UMAD1: variants seen among roughly 807,000 people sequenced by gnomAD.
UMAD1 encodes UBAP1-MVB12-associated (UMA)-domain containing protein 1.
UMAD1 carries 8 observed loss-of-function variants against 6.1 expected under a neutral mutation model. The ratio of observed to expected loss-of-function variants is 1.30; its 90% CI spans 0.76 to 2.35. UMAD1 has a LOEUF of 2.35. UMAD1 is among the 30% of genes most tolerant of loss of function. The pLI is 0.00. For synonymous variants in UMAD1, 56 were observed against 31.4 expected (o/e 1.78, Z -2.61); for missense variants, 130 against 78.4 (o/e 1.66, Z -2.49).
chr7:7,661,477 C>G (rs1279083386), intron 1 of UMAD1, among the ~76,000 whole-genome samples: 1 of 152,128 alleles, frequency 6.6e-6, no homozygotes, highest in African/African-American at 2.4e-5. Context: ...TGCTGGTGAC[C>G]TTTCAGTGGG....
chr7:7,823,064 GATGTTTT>G (rs530610130), intron 3 of UMAD1, among the ~76,000 whole-genome samples: 77 of 152,164 alleles, frequency 5.1e-4, no homozygotes, highest in African/African-American at 1.8e-3. Flanking sequence ...CTCCTCCCTT[GATGTTTT>G]ATACAGAGCA....
intron 2 of UMAD1, among the ~76,000 whole-genome samples, chr7:7,698,525 G>A (rs1284683837): frequency 2.0e-5 from 3 of 152,068 alleles, no homozygotes. Flanking sequence ...ATCATTGCAG[G>A]CTTTATTCTG....
intron 2 of UMAD1, among the ~76,000 whole-genome samples, chr7:7,683,679 G>A (rs370710815): frequency 5.4e-4 from 82 of 151,730 alleles, no homozygotes; most frequent in African/African-American, 1.9e-3. Context: ...CTGGAGTGCA[G>A]TGGCATGGTC....
chr7:7,850,454 C>T (rs1316497695), intron 3 of UMAD1, among the ~76,000 whole-genome samples: 1 of 151,980 alleles, frequency 6.6e-6, no homozygotes, highest in Non-Finnish European at 1.5e-5. Context: ...CATCTACTTC[C>T]CCCCAAAGAA....
Position 7,875,237 on chromosome 7 carries a change from A to G in UMAD1, c.157-2044A>G, listed in dbSNP as rs138517777. Among the ~76,000 whole-genome samples, 56 of 152,384 alleles carry G rather than the reference A, an allele frequency of 3.7e-4. No individual in the cohort carries two copies. The East Asian group carries it at 7.5e-3, about 20-fold the overall frequency. On this transcript the variant is annotated intron_variant, in intron 3 of 3. Coordinates refer to ENST00000682710, the MANE Select transcript of UMAD1 (RefSeq NM_001302348.2). The stretch of plus-strand genomic sequence containing the variant: ...GCACTAAATGCCCACGGGAGAAAGC[A>G]GGAAAGATCTAAAATCGACATCTAA...
intron 3 of UMAD1, among the ~76,000 whole-genome samples, chr7:7,849,292 T>C (rs1160323313): frequency 6.6e-6 from 1 of 152,178 alleles, no homozygotes; most frequent in East Asian, 1.9e-4. Context: ...GCTTTTCTTG[T>C]GTTTGAGAAT....
chr7:7,642,559 G>A (rs991158559), intron 1 of UMAD1, among the ~76,000 whole-genome samples: 3 of 151,974 alleles, frequency 2.0e-5, no homozygotes, highest in African/African-American at 7.3e-5. Context: ...TTAAGCAAAG[G>A]CTTTCTTTTA....
At chr7:7,736,766 TG>T (rs1781368298) in intron 2 of UMAD1, 2 of 152,278 alleles carry the variant, frequency 1.3e-5, no homozygotes, top group African/African-American at 4.8e-5. Flanking sequence ...CATTGGTCCA[TG>T]TTGAGATGGG....
At chr7:7,854,153 T>A (rs935798310) in intron 3 of UMAD1, among the ~76,000 whole-genome samples, 2 of 151,854 alleles carry the variant, frequency 1.3e-5, no homozygotes, top group African/African-American at 4.8e-5. Context: ...GCTGGAAGTT[T>A]GAGATCAGCC....
Position 7,673,268 on chromosome 7 carries a change from G to A in UMAD1, c.-63-41G>A, listed in dbSNP as rs564231371. The A allele has an allele frequency of 2.5e-4, 266 of 1,079,168 alleles. 6 individuals are homozygous for A. In the South Asian group the frequency reaches 3.4e-3, roughly 14 times the overall value. 66.8% of individuals were successfully genotyped at this position (1,079,168 alleles called of 1,614,324 possible). A position where few individuals can be genotyped will look rare whatever the true frequency, so the allele number is the denominator to read the frequency against. ...TGCTAAAAAGGGTAAGAGTTTTACA[G>A]TTGCATCTGAATTTGACATTGTGTA... On this transcript the variant is annotated intron_variant, in intron 1 of 3. Coordinates refer to ENST00000682710, the MANE Select transcript of UMAD1 (RefSeq NM_001302348.2).
At chr7:7,789,341 T>G (rs1782519333) in intron 2 of UMAD1, among the ~76,000 whole-genome samples, 1 of 144,904 alleles carries the variant, frequency 6.9e-6, no homozygotes, top group Non-Finnish European at 1.5e-5. Flanking sequence ...AAAATAACAA[T>G]GTGAATATGG....
chr7:7,679,923 T>C (rs192552699), intron 2 of UMAD1, among the ~76,000 whole-genome samples: 65 of 152,024 alleles, frequency 4.3e-4, no homozygotes, highest in Non-Finnish European at 7.8e-4. Flanking sequence ...GAGTTCCTTA[T>C]ATATACTGAT....
chr7:7,704,401 T>G (rs1334085477), intron 2 of UMAD1, among the ~76,000 whole-genome samples: 1 of 151,994 alleles, frequency 6.6e-6, no homozygotes, highest in South Asian at 2.1e-4. Flanking sequence ...GGGTCCTCAG[T>G]AATTTTTGAG....
At chr7:7,695,580 A>G (rs1359139772) in intron 2 of UMAD1, among the ~76,000 whole-genome samples, 5 of 152,138 alleles carry the variant, frequency 3.3e-5, no homozygotes, top group Non-Finnish European at 7.4e-5. Context: ...GTTCTTTGGC[A>G]CTAGCAGCCG....
At chr7:7,767,666 G>T (rs529655756) in intron 2 of UMAD1, among the ~76,000 whole-genome samples, 3 of 152,272 alleles carry the variant, frequency 2.0e-5, no homozygotes, top group Non-Finnish European at 4.4e-5. Flanking sequence ...ACAGTTAGGG[G>T]CCAGGTACTG....
intron 1 of UMAD1, chr7:7,641,778 C>G (rs1009467372): frequency 5.3e-5 from 8 of 152,108 alleles, no homozygotes; most frequent in African/African-American, 1.9e-4. Flanking sequence ...TGAATTGGCC[C>G]AAAGCTACAG....
At chr7:7,855,835 G>C (rs1205562405) in intron 3 of UMAD1, among the ~76,000 whole-genome samples, 1 of 152,138 alleles carries the variant, frequency 6.6e-6, no homozygotes, top group African/African-American at 2.4e-5. Context: ...GCCACCTCTT[G>C]AATGCTTTGC....
intron 2 of UMAD1, among the ~76,000 whole-genome samples, chr7:7,784,929 A>AT (rs1395073111): frequency 3.3e-5 from 5 of 151,842 alleles, no homozygotes; most frequent in Admixed American, 6.6e-5. Flanking sequence ...CGCCCGGCTA[A>AT]TTTTTTGTAT....
At chr7:7,660,538 T>C (rs761513657) in intron 1 of UMAD1, among the ~76,000 whole-genome samples, 2 of 152,216 alleles carry the variant, frequency 1.3e-5, no homozygotes, top group Non-Finnish European at 2.9e-5. Flanking sequence ...TTGTAAAGGA[T>C]TTTATTTCTC....
Sources: gnomAD v4.1 joint callset for allele counts (sites outside exome capture counted in the v4.1 genomes callset) on GRCh38, gnomAD v4.1.1 for gene constraint, MANE v1.5 for transcripts, NCBI Gene and HGNC (gene_info 2026-07-23, HGNC 2026-07-21) for gene names.